ACD: variants seen among roughly 807,000 people sequenced by gnomAD.
ACD encodes ACD shelterin complex subunit and telomerase recruitment factor.
Under a neutral mutation model 53.9 loss-of-function variants are expected in ACD, and 39 were observed. The ratio of observed to expected loss-of-function variants is 0.72; its 90% CI spans 0.56 to 0.95. The LOEUF (loss-of-function observed/expected upper bound fraction) is 0.95, where lower values mean the gene tolerates loss of function less well. ACD is among the 40% of genes least tolerant of loss of function. The pLI, the probability that ACD is intolerant of heterozygous loss-of-function variation, is 0.00. For missense variants in ACD, 526 were observed against 587.9 expected, an observed-to-expected ratio of 0.89 and a Z score of 1.09; for synonymous variants, 273 against 249.2, an observed-to-expected ratio of 1.10 and a Z score of -0.90.
In ACD at chr16:67,659,630, G is replaced by A. The variant is rs1186068061; in HGVS notation, c.337-17C>T. 3 of 1,613,178 alleles carry A rather than the reference G, an allele frequency of 1.9e-6. No homozygotes were observed. Among genetic ancestry groups the A allele is most frequent in the Non-Finnish European group, 1.7e-6 (2 of 1,179,970 alleles). ...CTCTGCGGGCTGGAGGAGTTCGGGG[G>A]GAAGGGGGGGTCTCAGAATCGTCAC... is the stretch of plus-strand genomic sequence containing the variant. On this transcript the variant is annotated splice_polypyrimidine_tract_variant and intron_variant, in intron 3 of 11. Transcript: ENST00000620761.
Position 67,660,000 on chromosome 16 carries a change from G to A in ACD, c.145C>T (p.Pro49Ser), listed in dbSNP as rs1597773937. Residue 49 changes from proline to serine, a missense_variant, in exon 2 of 12, where the codon CCT (proline) becomes TCT (serine). Physicochemically the swap from Pro to Ser is moderately conservative, Grantham distance 74. Coordinates refer to ENST00000620761, the MANE Select transcript of ACD (RefSeq NM_001082486.2). ...EAAVAGPSHAPDTSDVGATLL... is the reference protein window; with the variant it reads ...EAAVAGPSHASDTSDVGATLL... ...GTGGCCCCGACGTCGGACGTATCAGGGGCGTGGGATGGGCCCGCGACCGCG... is the reference window on the plus strand; with the variant it reads ...GTGGCCCCGACGTCGGACGTATCAGAGGCGTGGGATGGGCCCGCGACCGCG... 1.9e-6 allele frequency: 3 copies of A among 1,608,796 alleles called. No individual in the cohort carries two copies. The highest frequency in any genetic ancestry group is 2.7e-5 in the African/African-American group (2 of 74,996).
chr16:67,659,081 T>G lies in ACD; in HGVS notation c.494-2A>C. 1.9e-6 allele frequency: 3 copies of G among 1,613,668 alleles called. No homozygotes were observed. Among genetic ancestry groups the G allele is most frequent in the Non-Finnish European group, 2.5e-6 (3 of 1,179,808 alleles). On this transcript the variant is annotated splice_acceptor_variant, in intron 6 of 11. Coordinates refer to ENST00000620761, the MANE Select transcript of ACD (RefSeq NM_001082486.2). LOFTEE classifies it high-confidence loss of function. The stretch of plus-strand genomic sequence containing the variant: ...CCAGAAGCTGGGACAGTGATAGGCC[T>G]GGGGACAGGGGACCATGGGATGAGT...
Position 67,658,732 on chromosome 16 carries a change from G to A in ACD, c.730C>T (p.Gln244Ter), listed in dbSNP as rs759275297. 6.2e-7 allele frequency: 1 copy of A among 1,612,348 alleles called. No individual in the cohort carries two copies. Among genetic ancestry groups the A allele is most frequent in the Non-Finnish European group, 8.5e-7 (1 of 1,178,954 alleles). Residue 244 changes from glutamine to a stop codon, truncating the protein, a stop_gained, in exon 8 of 12, where the codon CAG becomes TAG. Coordinates refer to ENST00000620761, the MANE Select transcript of ACD (RefSeq NM_001082486.2). LOFTEE classifies it high-confidence loss of function. ...CAGTCCCCCTTACCCTGTGTCCTCT[G>A]ACAGGGGCCTAGAGAGCTCAGAATT... ...QLILSSLGPC[Q>*]RTQGPELPPP... is the part of the protein sequence containing the mutation.
Position 67,658,921 on chromosome 16 carries a change from G to C in ACD, c.645+7C>G. On this transcript the variant is annotated splice_region_variant and intron_variant, in intron 7 of 11. Transcript: ENST00000620761. The stretch of plus-strand genomic sequence containing the variant: ...CTGACATCTCCCAAGCAAATCCCCA[G>C]ACTGACCGTGGCCTTGCATCGTGAG... The C allele has an allele frequency of 6.2e-7, 1 of 1,613,220 alleles. No homozygotes were observed. Among genetic ancestry groups the C allele is most frequent in the Non-Finnish European group, 8.5e-7 (1 of 1,179,512 alleles).
chr16:67,660,134 C>T lies in ACD; in HGVS notation c.87G>A (p.Gly29=). The T allele has an allele frequency of 6.2e-7, 1 of 1,612,562 alleles. No homozygotes were observed. The highest frequency in any genetic ancestry group is 8.5e-7 in the Non-Finnish European group (1 of 1,179,902). ...AATGGGGGCTCACCTCAAGCAGCTG[C>T]CCGGCTCGTGGACTGGAGGGTGTCT... ...GSETPSSPRA[G]QLLEVLQDAE... The change falls in exon 1 of 12, where the codon GGG becomes GGA. Residue 29 remains glycine, a synonymous_variant. Transcript: ENST00000620761.
Position 67,658,319 on chromosome 16 carries a change from A to T in ACD, c.873T>A (p.Gly291=), listed in dbSNP as rs1011399056. ...GGGCAGGCAGAAGGCTGATGCTGGT[A>T]CCACTTTCCTCGGATGACATGTGGC... ...LPGHMSSEES[G]TSISLLPALS... Residue 291 remains glycine, a synonymous_variant, in exon 10 of 12, where the codon GGT becomes GGA. Transcript: ENST00000620761. 3.7e-6 allele frequency: 6 copies of T among 1,613,704 alleles called. No individual in the cohort carries two copies. In the African/African-American group the frequency reaches 8.0e-5, roughly 22 times the overall value.
chr16:67,657,823 C>G lies in ACD; in HGVS notation c.1237G>C (p.Ala413Pro). 6.2e-7 allele frequency: 1 copy of G among 1,614,128 alleles called. No homozygotes were observed. Among genetic ancestry groups the G allele is most frequent in the Non-Finnish European group, 8.5e-7 (1 of 1,180,030 alleles). Residue 413 changes from alanine to proline, a missense_variant, in exon 11 of 12, where the codon GCC becomes CCC. By Grantham distance (27) the Ala-to-Pro change is conservative. Coordinates refer to ENST00000620761, the MANE Select transcript of ACD (RefSeq NM_001082486.2). This position sits in a 1 kb window ranked among gnomAD's most constrained non-coding sequence, Gnocchi z 4.5. ...GGTGGCTCATACTCATACTGGAAGG[C>G]AGAACCATCACGATGCCTCTTTGGG... is the stretch of plus-strand genomic sequence containing the variant. The part of the protein sequence containing the change: ...EPPKRHRDGS[A>P]FQYEYEPPCT...
chr16:67,658,577 AG>A lies in ACD; in HGVS notation c.806del (p.Pro269LeufsTer58), dbSNP rs770116861. 6.4e-7 allele frequency: 1 copy of A among 1,570,518 alleles called. No homozygotes were observed. The highest frequency in any genetic ancestry group is 8.6e-7 in the Non-Finnish European group (1 of 1,156,906). On this transcript the variant is annotated frameshift_variant, in exon 9 of 12. Coordinates refer to ENST00000620761, the MANE Select transcript of ACD (RefSeq NM_001082486.2). LOFTEE classifies it high-confidence loss of function. ...QDLSLTLIAS[P>X]PSSPSSSGTP... The stretch of plus-strand genomic sequence containing the variant: ...CACCTGAGGAACTGGGTGAGGAAGG[AG>A]GAGAGGCTATGAGGGTCAGAGATAG...
chr16:67,658,744 G>A lies in ACD; in HGVS notation c.718C>T (p.Leu240=). The A allele has an allele frequency of 6.2e-7, 1 of 1,613,362 alleles. No homozygotes were observed. Among genetic ancestry groups the A allele is most frequent in the African/African-American group, 1.3e-5 (1 of 75,028 alleles). ...CCCTGTGTCCTCTGACAGGGGCCTAGAGAGCTCAGAATTAGCTGGTCATTC... is the reference window on the plus strand; with the variant it reads ...CCCTGTGTCCTCTGACAGGGGCCTAAAGAGCTCAGAATTAGCTGGTCATTC... ...SENDQLILSS[L]GPCQRTQGPE... Residue 240 remains leucine, a synonymous_variant, in exon 8 of 12, where the codon CTA becomes TTA. Transcript: ENST00000620761.
chr16:67,659,825 C>A (rs770945138), intron 2 of ACD, 30 bp from the exon 3 acceptor site: 1 of 1,590,500 alleles, frequency 6.3e-7, no homozygotes, highest in East Asian at 2.2e-5. Context: ...CACTGCCGGG[C>A]CCACCTGAAC....
rs764626146 is a variant in ACD at position 67,659,774 on chromosome 16, G to A, written c.264C>T (p.Phe88=). ...TSDWEEKEFG[F]RGTEGRLLLL... ...GCAGCAGCCGGCCCTCTGTCCCGCG[G>A]AAGCCGAACTCCTTCTCCTCCCTGC... The change falls in exon 3 of 12, where the codon TTC becomes TTT. Residue 88 remains phenylalanine, a synonymous_variant. Transcript: ENST00000620761. The A allele has an allele frequency of 1.2e-6, 2 of 1,610,296 alleles. No homozygotes were observed. The highest frequency in any genetic ancestry group is 1.3e-5 in the African/African-American group (1 of 74,856).
chr16:67,659,792 C>T lies in ACD; in HGVS notation c.246G>A (p.Glu82=), dbSNP rs1242755504. The T allele has an allele frequency of 6.2e-7, 1 of 1,605,350 alleles. No individual in the cohort carries two copies. Among genetic ancestry groups the T allele is most frequent in the East Asian group, 2.2e-5 (1 of 44,678 alleles). ...TREALDTSDW[E]EKEFGFRGTE... ...TCCCGCGGAAGCCGAACTCCTTCTCCTCCCTGCAACAAGCAGGATCCTCAC... is the reference window on the plus strand; with the variant it reads ...TCCCGCGGAAGCCGAACTCCTTCTCTTCCCTGCAACAAGCAGGATCCTCAC... Residue 82 remains glutamate (E), a synonymous_variant, in exon 3 of 12, where the codon GAG becomes GAA. Coordinates refer to ENST00000620761, the MANE Select transcript of ACD (RefSeq NM_001082486.2).
intron 5 of ACD, 47 bp downstream of exon 5, chr16:67,659,328 C>T (rs751391813): frequency 4.3e-6 from 7 of 1,613,962 alleles, no homozygotes; most frequent in Admixed American, 1.7e-5. Flanking sequence ...GATACACCAT[C>T]CCCTCACCAA....
Position 67,658,201 on chromosome 16 carries a change from G to A in ACD, c.991C>T (p.Pro331Ser), listed in dbSNP as rs528464427. The A allele has an allele frequency of 1.2e-6, 2 of 1,612,952 alleles. No individual in the cohort carries two copies. The highest frequency in any genetic ancestry group is 1.7e-5 in the Admixed American group (1 of 59,974). The change falls in exon 10 of 12, where the codon CCA becomes TCA. Residue 331 changes from proline (P) to serine (S), a missense_variant. By Grantham distance (74) the Pro-to-Ser change is moderately conservative (BLOSUM62 -1). Coordinates refer to ENST00000620761, the MANE Select transcript of ACD (RefSeq NM_001082486.2). Reference protein sequence around the residue: ...SAPATLTPRSPHASRTPSSPL... With the variant: ...SAPATLTPRSSHASRTPSSPL... ...GAGCTGGGGGTACGGCTGGCGTGTGGGGACCTGGGGGTCAGGGTGGCAGGG... is the reference window on the plus strand; with the variant it reads ...GAGCTGGGGGTACGGCTGGCGTGTGAGGACCTGGGGGTCAGGGTGGCAGGG...
Position 67,658,585 on chromosome 16 carries a change from C to A in ACD, c.799G>T (p.Ala267Ser), listed in dbSNP as rs775607009. Residue 267 changes from alanine to serine, a missense_variant, in exon 9 of 12, where the codon GCC (alanine) becomes TCC (serine). Physicochemically the swap from Ala to Ser is moderately conservative, Grantham distance 99. Coordinates refer to ENST00000620761, the MANE Select transcript of ACD (RefSeq NM_001082486.2). Reference protein sequence around the residue: ...ALQDLSLTLIASPPSSPSSSG... With the variant: ...ALQDLSLTLISSPPSSPSSSG... The stretch of plus-strand genomic sequence containing the variant: ...GAACTGGGTGAGGAAGGAGGAGAGG[C>A]TATGAGGGTCAGAGATAGGTCCTGC... The A allele has an allele frequency of 1.3e-5, 21 of 1,572,970 alleles. No individual in the cohort carries two copies. In the Admixed American group the frequency reaches 3.2e-4, roughly 24 times the overall value.
chr16:67,660,229 C>T lies in ACD; in HGVS notation c.-9G>A. 1 of 1,612,722 alleles carries T rather than the reference C, an allele frequency of 6.2e-7. No homozygotes were observed. Among genetic ancestry groups the T allele is most frequent in the Non-Finnish European group, 8.5e-7 (1 of 1,179,920 alleles). Reference sequence around the variant, plus strand: ...CTCCCCGAACCTGCCATCCCCACGGCTACACCCAGCGGATGCAACGGGCCC... The same window carrying T: ...CTCCCCGAACCTGCCATCCCCACGGTTACACCCAGCGGATGCAACGGGCCC... On this transcript the variant is annotated 5_prime_UTR_variant, in exon 1 of 12. Coordinates refer to ENST00000620761, the MANE Select transcript of ACD (RefSeq NM_001082486.2).
rs2052907559 is a variant in ACD at position 67,657,975 on chromosome 16, GC to G, written c.1206+10del. ...TGTTCTACCCTCCAGCTGCAGAGGG[GC>G]TATGCTCACCCAGACAGAGCAGGGC... is the stretch of plus-strand genomic sequence containing the variant. On this transcript the variant is annotated intron_variant, in intron 10 of 11. Transcript: ENST00000620761. The surrounding 1 kb of genome is among the most constrained non-coding windows in gnomAD (Gnocchi z 4.5). The G allele has an allele frequency of 6.3e-7, 1 of 1,581,216 alleles. No homozygotes were observed. The highest frequency in any genetic ancestry group is 1.7e-5 in the Admixed American group (1 of 58,050).
rs749194960 is a variant in ACD at position 67,657,973 on chromosome 16, G to T, written c.1206+13C>A. On this transcript the variant is annotated intron_variant, in intron 10 of 11. Transcript: ENST00000620761. The surrounding 1 kb of genome is among the most constrained non-coding windows in gnomAD (Gnocchi z 4.5). ...CTTGTTCTACCCTCCAGCTGCAGAG[G>T]GGCTATGCTCACCCAGACAGAGCAG... 1 of 1,581,992 alleles carries T rather than the reference G, an allele frequency of 6.3e-7. No individual in the cohort carries two copies. The highest frequency in any genetic ancestry group is 1.2e-5 in the South Asian group (1 of 85,232).
At position 67,658,778 on chromosome 16, in the gene ACD, G is replaced by A. The variant is rs947250700; in HGVS notation, c.684C>T (p.Cys228=). ...AVYTVPSSML[C]ISENDQLILS... Reference sequence around the variant, plus strand: ...GAATTAGCTGGTCATTCTCAGAGATGCACAGCATTGAGCTGGGGACAGTGT... The same window carrying A: ...GAATTAGCTGGTCATTCTCAGAGATACACAGCATTGAGCTGGGGACAGTGT... The change falls in exon 8 of 12, where the codon TGC becomes TGT. Residue 228 remains cysteine, a synonymous_variant. Transcript: ENST00000620761. The A allele has an allele frequency of 6.2e-7, 1 of 1,613,522 alleles. No homozygotes were observed. Among genetic ancestry groups the A allele is most frequent in the Non-Finnish European group, 8.5e-7 (1 of 1,179,710 alleles).
Sources: allele counts gnomAD v4.1 joint callset, GRCh38; gene constraint gnomAD v4.1.1; non-coding constraint Gnocchi (gnomAD v3.1); transcripts MANE v1.5; gene names NCBI Gene and HGNC (gene_info 2026-07-23, HGNC 2026-07-21).